The following EXT2 variants were observed in gnomAD, a reference collection of about 807,000 sequenced individuals.
EXT2 encodes the protein exostosin-2.
Under a neutral mutation model 81.6 loss-of-function variants are expected in EXT2, and 53 were observed. The ratio of observed to expected loss-of-function variants is 0.65; its 90% CI spans 0.52 to 0.82. The LOEUF is 0.82. Among genes scored for constraint, EXT2 ranks in the 40% least tolerant of loss-of-function variants. The pLI, the probability that EXT2 is intolerant of heterozygous loss-of-function variation, is 0.00. For synonymous variants in EXT2, 320 were observed against 340.0 expected, an observed-to-expected ratio of 0.94 and a Z score of 0.65; for missense variants, 774 against 910.2, an observed-to-expected ratio of 0.85 and a Z score of 1.93.
Position 44,232,369 on chromosome 11 carries a change from CT to C in EXT2, c.1680del (p.Asp561ThrfsTer17). On this transcript the variant is annotated frameshift_variant, in exon 11 of 14. Transcript: ENST00000533608. LOFTEE classifies it high-confidence loss of function. ...QFGYEVWREF[P>X]DRLVGYPGRL... ...TGTCCTTAGGTCTGGCGGGAATTTC[CT>C]GACCGGTTGGTGGGTTACCCGGGTC... is the stretch of plus-strand genomic sequence containing the variant. 1.2e-6 allele frequency: 2 copies of C among 1,614,000 alleles called. No homozygotes were observed. Among genetic ancestry groups the C allele is most frequent in the Non-Finnish European group, 1.7e-6 (2 of 1,179,950 alleles).
At chr11:44,178,902 T>A (rs1955195961) in intron 8 of EXT2, among the ~76,000 whole-genome samples, 1 of 152,208 alleles carries the variant, frequency 6.6e-6, no homozygotes, top group Non-Finnish European at 1.5e-5. Flanking sequence ...ATTTATAGGA[T>A]CACATTTGCA....
At chr11:44,213,520 T>TA (rs1955677850) in intron 10 of EXT2, among the ~76,000 whole-genome samples, 1 of 152,150 alleles carries the variant, frequency 6.6e-6, no homozygotes, top group African/African-American at 2.4e-5. Context: ...AAAGTTTCAG[T>TA]AAAAAGACAG....
intron 9 of EXT2, among the ~76,000 whole-genome samples, chr11:44,203,965 G>GC (rs2135198133): frequency 6.6e-6 from 1 of 152,302 alleles, no homozygotes; most frequent in South Asian, 2.1e-4. Context: ...GTGATAAGTG[G>GC]CACACTTAGT....
chr11:44,203,202 T>G (rs989688019), intron 9 of EXT2, among the ~76,000 whole-genome samples: 4 of 152,222 alleles, frequency 2.6e-5, no homozygotes, highest in African/African-American at 9.7e-5. Flanking sequence ...TAGTCAAGGT[T>G]CATTCTGGAG....
At chr11:44,108,468 C>A (rs1335701220) in intron 2 of EXT2, among the ~76,000 whole-genome samples, 1 of 152,224 alleles carries the variant, frequency 6.6e-6, no homozygotes, top group African/African-American at 2.4e-5. Flanking sequence ...ATCTCCGGCA[C>A]TACTGCTGTG....
At chr11:44,150,099 A>G (rs1375714597) in intron 7 of EXT2, among the ~76,000 whole-genome samples, 1 of 152,144 alleles carries the variant, frequency 6.6e-6, no homozygotes, top group African/African-American at 2.4e-5. Context: ...GGGAAATGGG[A>G]TTAAACTGGA....
Position 44,108,109 on chromosome 11 carries a change from C to G in EXT2, c.397C>G (p.Leu133Val), listed in dbSNP as rs1322015320. 6.2e-7 allele frequency: 1 copy of G among 1,614,170 alleles called. No homozygotes were observed. Among genetic ancestry groups the G allele is most frequent in the Non-Finnish European group, 8.5e-7 (1 of 1,180,042 alleles). ...CACCATCTCCCGGGAGTATAATGAA[C>G]TGCTCATGGCCATCTCAGACAGTGA... ...SNTISREYNE[L>V]LMAISDSDYY... Residue 133 changes from leucine to valine, a missense_variant, in exon 2 of 14, where the codon CTG becomes GTG. Physicochemically the swap from Leu to Val is conservative, Grantham distance 32 (BLOSUM62 1). Around this residue, in one of 2 missense-constraint regions of EXT2, gnomAD observed 626 missense variants for 670.5 expected, o/e 0.93. Transcript: ENST00000533608.
intron 7 of EXT2, among the ~76,000 whole-genome samples, chr11:44,153,657 ATATTCT>A (rs1406224317): frequency 2.6e-5 from 4 of 151,972 alleles, no homozygotes; most frequent in Non-Finnish European, 5.9e-5. Context: ...TTTTTTGTAG[ATATTCT>A]TTATCAACTA....
At chr11:44,236,646 C>G (rs1335940174) in intron 13 of EXT2, among the ~76,000 whole-genome samples, 1 of 152,194 alleles carries the variant, frequency 6.6e-6, no homozygotes, top group Non-Finnish European at 1.5e-5. Context: ...GTGGACTAAG[C>G]AGTTAACCAT....
intron 13 of EXT2, among the ~76,000 whole-genome samples, chr11:44,237,567 C>A (rs1257074982): frequency 6.6e-6 from 1 of 151,894 alleles, no homozygotes; most frequent in Non-Finnish European, 1.5e-5. Flanking sequence ...TTAAACCTAC[C>A]CCATTGTCTG....
Position 44,107,959 on chromosome 11 carries a change from C to A in EXT2, c.247C>A (p.Leu83Ile). The change falls in exon 2 of 14, where the codon CTC (leucine) becomes ATC (isoleucine). Residue 83 changes from leucine to isoleucine, a missense_variant. Leu to Ile is a conservative substitution (Grantham distance 5). Transcript: ENST00000533608. ...CAGTCCCATCCCAGAGCGGGGGGAT[C>A]TCAGTTGCAGAATGCACACGTGTTT... ...ADSPIPERGD[L>I]SCRMHTCFDV... 1 of 1,614,228 alleles carries A rather than the reference C, an allele frequency of 6.2e-7. No individual in the cohort carries two copies. The highest frequency in any genetic ancestry group is 8.5e-7 in the Non-Finnish European group (1 of 1,180,030).
At chr11:44,098,287 G>C (rs1344918903) in intron 1 of EXT2, among the ~76,000 whole-genome samples, 3 of 152,170 alleles carry the variant, frequency 2.0e-5, no homozygotes, top group Non-Finnish European at 2.9e-5. Flanking sequence ...TGGGAGGATT[G>C]GTTCTGTGTG....
chr11:44,224,469 T>C (rs1436162466), intron 10 of EXT2, among the ~76,000 whole-genome samples: 2 of 152,158 alleles, frequency 1.3e-5, no homozygotes, highest in Non-Finnish European at 2.9e-5. Context: ...ACTTTAGTTT[T>C]GCCTTTTATT....
chr11:44,103,046 G>A (rs1285315619), intron 1 of EXT2, among the ~76,000 whole-genome samples: 1 of 151,654 alleles, frequency 6.6e-6, no homozygotes, highest in Non-Finnish European at 1.5e-5. Context: ...AATGGTTTCT[G>A]GTTTTTGTGT....
intron 1 of EXT2, among the ~76,000 whole-genome samples, chr11:44,101,588 C>A (rs2134949526): frequency 6.6e-6 from 1 of 152,304 alleles, no homozygotes; most frequent in African/African-American, 2.4e-5. Flanking sequence ...CCTGCACCTC[C>A]TGCCTGTTTT....
At chr11:44,134,101 C>T (rs7947962) in intron 7 of EXT2, among the ~76,000 whole-genome samples, 83,026 of 152,072 alleles carry the variant, frequency 0.55, 23,437 homozygotes, top group Middle Eastern at 0.71. Flanking sequence ...TGCTGCCACA[C>T]GTGGCATTGG....
At chr11:44,148,795 G>C (rs1161939155) in intron 7 of EXT2, among the ~76,000 whole-genome samples, 2 of 152,146 alleles carry the variant, frequency 1.3e-5, no homozygotes, top group African/African-American at 4.8e-5. Flanking sequence ...GGTGGGAACA[G>C]GTGTTAGATG....
In EXT2 at chr11:44,245,498, A is replaced by G. The variant is rs1267549316; in HGVS notation, c.*1211A>G. On this transcript the variant is annotated 3_prime_UTR_variant, in exon 14 of 14. Coordinates refer to ENST00000533608, the MANE Select transcript of EXT2 (RefSeq NM_207122.2). ...TCTACCCTGGCGAATGTTAAATGTT[A>G]TGGATTCGAAACAGATTTATCTGGC... 5.6e-6 allele frequency: 1 copy of G among 179,828 alleles called. No individual in the cohort carries two copies. Among genetic ancestry groups the G allele is most frequent in the African/African-American group, 2.4e-5 (1 of 42,344 alleles). The allele number at this position is 179,828 out of a possible 1,614,324, so 11.1% of individuals were successfully genotyped here. A position where few individuals can be genotyped will look rare whatever the true frequency, so the allele number is the denominator to read the frequency against.
At chr11:44,212,451 C>T (rs1955662106) in intron 10 of EXT2, among the ~76,000 whole-genome samples, 1 of 151,990 alleles carries the variant, frequency 6.6e-6, no homozygotes, top group African/African-American at 2.4e-5. Context: ...ACCACTATAT[C>T]TCCACTAGAA....
Sources: gnomAD v4.1 joint callset for allele counts (sites outside exome capture counted in the v4.1 genomes callset) on GRCh38, gnomAD v4.1.1 for gene constraint, gnomAD v4.1.1 regional missense constraint, MANE v1.5 for transcripts, NCBI Gene and HGNC (gene_info 2026-07-23, HGNC 2026-07-21) for gene names.